ENDOV: variants seen among roughly 807,000 people sequenced by gnomAD.
The protein encoded by ENDOV is hEndoV.
A neutral mutation model predicts 39.4 loss-of-function variants in ENDOV; 37 were observed. That is an observed-to-expected ratio of 0.94 (90% confidence interval 0.72 to 1.23). The LOEUF is 1.23. Ranked by LOEUF, ENDOV falls within the 50% of genes most tolerant of loss-of-function variation. The pLI, the probability that ENDOV is intolerant of heterozygous loss-of-function variation, is 0.00. For synonymous variants in ENDOV, 186 were observed against 163.4 expected (o/e 1.14, Z -1.05); for missense variants, 441 against 375.7 (o/e 1.17, Z -1.44).
intron 2 of ENDOV, chr17:80,418,436 C>T (rs1045256658): frequency 6.6e-6 from 1 of 152,178 alleles, no homozygotes; most frequent in East Asian, 1.9e-4. Flanking sequence ...TTCCCACTGA[C>T]TGTAGGTTCT....
intron 7 of ENDOV, among the ~76,000 whole-genome samples, chr17:80,428,063 C>T (rs1178299005): frequency 6.6e-6 from 1 of 152,246 alleles, no homozygotes; most frequent in Non-Finnish European, 1.5e-5. Context: ...CAGTGTCCCT[C>T]CCTGCTAGGG....
intron 2 of ENDOV, 109 bp from the exon 3 acceptor site, chr17:80,421,719 G>C: frequency 7.2e-7 from 1 of 1,396,630 alleles, no homozygotes; most frequent in Non-Finnish European, 9.7e-7. Context: ...GAGCCATGAG[G>C]GTGACGTAAG....
At chr17:80,418,765 A>G (rs2081538797) in intron 2 of ENDOV, 2 of 152,204 alleles carry the variant, frequency 1.3e-5, no homozygotes, top group Admixed American at 1.3e-4. Context: ...AAAATGTTCT[A>G]AAGTTAGATT....
chr17:80,425,763 A>T, intron 7 of ENDOV, 143 bp downstream of exon 7: 1 of 1,326,346 alleles, frequency 7.5e-7, no homozygotes, highest in Non-Finnish European at 1.0e-6. Context: ...CAGGTCACAG[A>T]CATCTTGCTG....
rs1039497881 is a variant in ENDOV, at chr17:80,436,662, C to T, written c.*519C>T. ...TTACTCTGCTGCTGAATGTGATTTG[C>T]TTGTATTTTGGTGCGGATTTTTACA... is the stretch of plus-strand genomic sequence containing the variant. On this transcript the variant is annotated 3_prime_UTR_variant, in exon 10 of 10. Transcript: ENST00000518137. 5.2e-6 allele frequency: 1 copy of T among 192,196 alleles called. No individual in the cohort carries two copies. Among genetic ancestry groups the T allele is most frequent in the South Asian group, 1.1e-4 (1 of 9,476 alleles). 11.9% of individuals were successfully genotyped at this position (192,196 alleles called of 1,614,324 possible).
intron 8 of ENDOV, 89 bp from the exon 9 acceptor site, chr17:80,429,684 G>T (rs1020084937): frequency 2.3e-6 from 3 of 1,300,758 alleles, no homozygotes; most frequent in Non-Finnish European, 2.1e-6. Context: ...TCCAGGCCAA[G>T]CGCAGTTCCC....
At chr17:80,422,894 G>T (rs1239420673) in intron 4 of ENDOV, among the ~76,000 whole-genome samples, 1 of 152,166 alleles carries the variant, frequency 6.6e-6, no homozygotes, top group Non-Finnish European at 1.5e-5. Context: ...GAGAGACGGG[G>T]TTTCACGTGT....
In ENDOV at chr17:80,415,256, G is replaced by A. The variant is rs375793664; in HGVS notation, c.56+6G>A. 2 of 1,613,296 alleles carry A rather than the reference G, an allele frequency of 1.2e-6. No individual in the cohort carries two copies. Among genetic ancestry groups the A allele is most frequent in the Non-Finnish European group, 1.7e-6 (2 of 1,179,668 alleles). ...ACGCTGTCACTGTGGAAACGGTAATGCTGTCAGGCGACGCGCAGGAGGCGG... is the reference window on the plus strand; with the variant it reads ...ACGCTGTCACTGTGGAAACGGTAATACTGTCAGGCGACGCGCAGGAGGCGG... On this transcript the variant is annotated splice_donor_region_variant and intron_variant, in intron 1 of 9. Coordinates refer to ENST00000518137, the MANE Select transcript of ENDOV (RefSeq NM_173627.5).
At chr17:80,422,471 G>C (rs1338871160) in intron 4 of ENDOV, among the ~76,000 whole-genome samples, 3 of 152,116 alleles carry the variant, frequency 2.0e-5, no homozygotes, top group Non-Finnish European at 2.9e-5. Context: ...CCTCTTTCCT[G>C]TCCGCCACTG....
chr17:80,424,179 G>GT (rs1319303006), intron 5 of ENDOV: 10 of 399,294 alleles, frequency 2.5e-5, no homozygotes, highest in African/African-American at 2.1e-4. Flanking sequence ...ACCCCCAGCT[G>GT]TTTCACTGGA....
At chr17:80,420,084 G>A (rs12945368) in intron 2 of ENDOV, 110,763 of 217,554 alleles carry the variant, frequency 0.51, 29,991 homozygotes, top group Non-Finnish European at 0.59. Context: ...ATTCTCTCTC[G>A]CGCACATGCG....
chr17:80,422,360 C>G, intron 4 of ENDOV, 115 bp downstream of exon 4: 1 of 1,265,136 alleles, frequency 7.9e-7, no homozygotes, highest in South Asian at 1.3e-5. Flanking sequence ...CGCCAGCCCC[C>G]TCCAATGGCT....
chr17:80,433,253 C>G (rs1247046610), intron 9 of ENDOV: 2 of 519,046 alleles, frequency 3.9e-6, no homozygotes, highest in Admixed American at 1.9e-5. Context: ...CAGTACCTGC[C>G]CATGTGGTGG....
In ENDOV at chr17:80,415,262, A is replaced by T; in HGVS notation, c.56+12A>T. Reference sequence around the variant, plus strand: ...TCACTGTGGAAACGGTAATGCTGTCAGGCGACGCGCAGGAGGCGGGGGCCG... The same window carrying T: ...TCACTGTGGAAACGGTAATGCTGTCTGGCGACGCGCAGGAGGCGGGGGCCG... On this transcript the variant is annotated intron_variant, in intron 1 of 9. Transcript: ENST00000518137. The T allele has an allele frequency of 6.2e-7, 1 of 1,613,116 alleles. No individual in the cohort carries two copies. The highest frequency in any genetic ancestry group is 1.1e-5 in the South Asian group (1 of 91,034).
Position 80,415,777 on chromosome 17 carries a change from C to G in ENDOV, c.184C>G (p.Arg62Gly), listed in dbSNP as rs377339183. The G allele has an allele frequency of 1.2e-5, 20 of 1,604,116 alleles. No individual in the cohort carries two copies. The highest frequency in any genetic ancestry group is 1.6e-5 in the Non-Finnish European group (19 of 1,175,478). The change falls in exon 2 of 10, where the codon CGC becomes GGC. Residue 62 changes from arginine (R) to glycine (G), a missense_variant. By Grantham distance (125) the Arg-to-Gly change is moderately radical (BLOSUM62 -2). Coordinates refer to ENST00000518137, the MANE Select transcript of ENDOV (RefSeq NM_173627.5). ...DVSFVKGDSV[R>G]ACASLVVLSF... ...GTCCTTCGTGAAAGGGGACAGTGTCCGCGCTTGTGCTTCCCTGGTGGTGCT... is the reference window on the plus strand; with the variant it reads ...GTCCTTCGTGAAAGGGGACAGTGTCGGCGCTTGTGCTTCCCTGGTGGTGCT...
At position 80,431,399 on chromosome 17, in the gene ENDOV, T is replaced by A. The variant is rs376408433; in HGVS notation, c.838+1568T>A. Among the ~76,000 whole-genome samples, 11 of 152,302 alleles carry A rather than the reference T, an allele frequency of 7.2e-5. No individual in the cohort carries two copies. In the East Asian group the frequency reaches 2.1e-3, roughly 29 times the overall value. ...GCTGCCCTTCCTTGATGGAGCAGAC[T>A]CTATTCTAGAAATTTCTATAAGAAG... On this transcript the variant is annotated intron_variant, in intron 9 of 9. Coordinates refer to ENST00000518137, the MANE Select transcript of ENDOV (RefSeq NM_173627.5).
chr17:80,421,561 C>T (rs41298702), intron 2 of ENDOV, among the ~76,000 whole-genome samples: 3,856 of 99,468 alleles, frequency 0.039, 77 homozygotes, highest in Non-Finnish European at 0.051. Context: ...GACCAGGTCC[C>T]GGGGGAGCTG....
At chr17:80,415,432 G>C (rs769968393) in intron 1 of ENDOV, 182 bp downstream of exon 1, 1 of 993,906 alleles carries the variant, frequency 1.0e-6, no homozygotes, top group Non-Finnish European at 1.5e-6. Flanking sequence ...CGCGGGGTGG[G>C]CGCGGTTCTC....
intron 2 of ENDOV, among the ~76,000 whole-genome samples, chr17:80,416,574 A>C (rs893101871): frequency 6.6e-6 from 1 of 151,984 alleles, no homozygotes; most frequent in African/African-American, 2.4e-5. Context: ...TGGGTTCCTG[A>C]GCAGCATTTT....
Sources: gnomAD v4.1 joint callset for allele counts (sites outside exome capture counted in the v4.1 genomes callset) on GRCh38, gnomAD v4.1.1 for gene constraint, MANE v1.5 for transcripts, NCBI Gene and HGNC (gene_info 2026-07-23, HGNC 2026-07-21) for gene names.